Variants in TTC3 observed in about 807,000 individuals in gnomAD.
TTC3 encodes E3 ubiquitin-protein ligase TTC3.
Under a neutral mutation model 249.6 loss-of-function variants are expected in TTC3, and 180 were observed. The ratio of observed to expected loss-of-function variants is 0.72; its 90% CI spans 0.64 to 0.82. The LOEUF (loss-of-function observed/expected upper bound fraction) is 0.82, where lower values mean the gene tolerates loss of function less well. TTC3 is among the 40% of genes least tolerant of loss of function. The pLI, the probability that TTC3 is intolerant of heterozygous loss-of-function variation, is 0.00. For synonymous variants in TTC3, 717 were observed against 805.0 expected, an observed-to-expected ratio of 0.89 and a Z score of 1.85; for missense variants, 2,061 against 2,398.4, an observed-to-expected ratio of 0.86 and a Z score of 2.94.
exon 22 of TTC3, chr21:37,147,573 C>A: frequency 6.2e-7 from 1 of 1,611,216 alleles, no homozygotes; most frequent in Non-Finnish European, 8.5e-7. Flanking sequence ...ATTCTAAGAT[C>A]CAGATATACA....
chr21:37,158,221 C>T (rs894143079), intron 28 of TTC3: 21 of 985,280 alleles, frequency 2.1e-5, no homozygotes, highest in Non-Finnish European at 2.4e-5. Context: ...AATGCTGTCC[C>T]GGGACTGAGC....
chr21:37,132,900 A>G (rs914996302), intron 17 of TTC3, 134 bp downstream of exon 17: 3 of 593,312 alleles, frequency 5.1e-6, no homozygotes, highest in African/African-American at 3.9e-5. Flanking sequence ...AGTTTTGTAG[A>G]GATGGGGTCT....
At chr21:37,078,088 G>A (rs2071152266) in intron 1 of TTC3, among the ~76,000 whole-genome samples, 1 of 151,782 alleles carries the variant, frequency 6.6e-6, no homozygotes, top group Admixed American at 6.6e-5. Context: ...CCTGTACCAT[G>A]TATTGAATTG....
intron 1 of TTC3, among the ~76,000 whole-genome samples, chr21:37,078,562 TAAAG>T (rs1382377972): frequency 6.6e-6 from 1 of 151,952 alleles, no homozygotes; most frequent in African/African-American, 2.4e-5. Flanking sequence ...GTGGTGTTCT[TAAAG>T]ATTCTATCTT....
At chr21:37,195,888 G>A in exon 42 of TTC3, 2 of 1,614,254 alleles carry the variant, frequency 1.2e-6, no homozygotes, top group Non-Finnish European at 1.7e-6. Context: ...AAAACGGGCT[G>A]GCCAGGCAGC....
chr21:37,117,803 T>A (rs921483610), intron 11 of TTC3, among the ~76,000 whole-genome samples: 2 of 133,060 alleles, frequency 1.5e-5, no homozygotes, highest in Admixed American at 1.8e-4. Flanking sequence ...CCAGGAAGTA[T>A]GAGGCTGCAG....
chr21:37,157,016 A>G, intron 28 of TTC3, 110 bp downstream of exon 28: 2 of 1,422,730 alleles, frequency 1.4e-6, no homozygotes, highest in East Asian at 2.4e-5. Flanking sequence ...GAAAATTATT[A>G]TGGTACAATC....
chr21:37,157,218 A>G, intron 28 of TTC3: 1 of 1,323,422 alleles, frequency 7.6e-7, no homozygotes, highest in Middle Eastern at 2.1e-4. Context: ...TCTATTAGTA[A>G]GTGGTTTGAT....
intron 10 of TTC3, among the ~76,000 whole-genome samples, chr21:37,107,352 A>T: frequency 6.6e-6 from 1 of 152,166 alleles, no homozygotes. Context: ...GTGATTGAAC[A>T]GTTTGAAGTT....
At chr21:37,192,759 A>G (rs1285983087) in intron 41 of TTC3, among the ~76,000 whole-genome samples, 2 of 152,182 alleles carry the variant, frequency 1.3e-5, no homozygotes, top group Non-Finnish European at 2.9e-5. Flanking sequence ...ATCATATTTT[A>G]CTATTTGTTT....
intron 10 of TTC3, among the ~76,000 whole-genome samples, chr21:37,104,477 T>G (rs961459348): frequency 6.6e-6 from 1 of 151,482 alleles, no homozygotes; most frequent in Admixed American, 6.6e-5. Context: ...CTAATCTCAG[T>G]TACTCGGGAG....
At chr21:37,131,703 C>CAGA (rs1240758462) in intron 16 of TTC3, among the ~76,000 whole-genome samples, 2 of 152,108 alleles carry the variant, frequency 1.3e-5, no homozygotes, top group Non-Finnish European at 2.9e-5. Context: ...TGATTCTTTA[C>CAGA]CCTGTGAGGT....
intron 34 of TTC3, among the ~76,000 whole-genome samples, chr21:37,167,995 T>C (rs750569852): frequency 1.3e-5 from 2 of 152,130 alleles, no homozygotes; most frequent in Non-Finnish European, 2.9e-5. Context: ...AGCTTATTCA[T>C]GCGAATAATA....
intron 15 of TTC3, among the ~76,000 whole-genome samples, chr21:37,128,136 T>A (rs938374709): frequency 2.0e-5 from 3 of 152,196 alleles, no homozygotes; most frequent in African/African-American, 7.2e-5. Context: ...TGCTTTTGTT[T>A]TCTGAGGCCA....
At chr21:37,177,926 T>G (rs1416619298) in intron 35 of TTC3, among the ~76,000 whole-genome samples, 1 of 152,174 alleles carries the variant, frequency 6.6e-6, no homozygotes, top group Non-Finnish European at 1.5e-5. Flanking sequence ...GTTTCAACCA[T>G]TTTCATCAAC....
chr21:37,125,478 G>A lies in TTC3; in HGVS notation c.1234-602G>A, dbSNP rs181233355. ...TTTTCTTTTCTTCATAAGGATGGTT[G>A]TTGTTTAACTACTGAAGTGATGTGT... On this transcript the variant is annotated intron_variant, in intron 14 of 45. Coordinates refer to ENST00000355666, the Ensembl canonical transcript of TTC3. Among the ~76,000 whole-genome samples, 331 of 152,244 alleles carry A rather than the reference G, an allele frequency of 2.2e-3. 2 individuals are homozygous for A. The highest frequency in any genetic ancestry group is 3.6e-3 in the Non-Finnish European group (247 of 68,006).
chr21:37,115,088 G>C (rs2076016165), intron 11 of TTC3, among the ~76,000 whole-genome samples: 1 of 151,826 alleles, frequency 6.6e-6, no homozygotes, highest in Admixed American at 6.6e-5. Context: ...TAAATGACGA[G>C]TTAATGGGTG....
At chr21:37,087,947 G>A (rs77331011) in intron 3 of TTC3, 72 bp downstream of exon 3, 21,867 of 1,192,208 alleles carry the variant, frequency 0.018, 1,364 homozygotes, top group African/African-American at 0.15. Context: ...TCCTGTCATA[G>A]CAATACAACA....
chr21:37,075,483 C>A (rs1290832535), intron 1 of TTC3, among the ~76,000 whole-genome samples: 2 of 152,244 alleles, frequency 1.3e-5, no homozygotes, highest in Admixed American at 6.5e-5. Context: ...CCAAGTATCA[C>A]AGAAGCTCTC....
Sources: gnomAD v4.1 joint callset for allele counts (sites outside exome capture counted in the v4.1 genomes callset) on GRCh38, gnomAD v4.1.1 for gene constraint, MANE v1.5 for transcripts, NCBI Gene and HGNC (gene_info 2026-07-23, HGNC 2026-07-21) for gene names.